The following MCM3AP variants were observed in gnomAD, a reference collection of about 807,000 sequenced individuals.
MCM3AP encodes minichromosome maintenance complex component 3 associated protein.
In MCM3AP, 126 loss-of-function variants were observed where a neutral mutation model predicts 184.1. The observed-to-expected ratio is 0.68, with a 90% confidence interval of 0.59 to 0.79. The LOEUF is 0.79. MCM3AP is among the 30% of genes least tolerant of loss of function. MCM3AP has a pLI of 0.00. For synonymous variants in MCM3AP, 1,002 were observed against 979.3 expected, an observed-to-expected ratio of 1.02 and a Z score of -0.43; for missense variants, 2,496 against 2,479.2, an observed-to-expected ratio of 1.01 and a Z score of -0.14.
rs925407443 is a variant in MCM3AP at position 46,277,817 on chromosome 21, C to A, written c.1668-100G>T. On this transcript the variant is annotated intron_variant, in intron 4 of 27. Transcript: ENST00000291688. The stretch of plus-strand genomic sequence containing the variant: ...CCCTCATCTTTCAAGATTTTCTGGT[C>A]CTCTAAAGCTGAGAAACTACAAGCA... 9 of 638,770 alleles carry A rather than the reference C, an allele frequency of 1.4e-5. No individual in the cohort carries two copies. In the South Asian group the frequency reaches 2.2e-4, roughly 15 times the overall value. The allele number at this position is 638,770 out of a possible 1,614,324, so 39.6% of individuals were successfully genotyped here.
intron 6 of MCM3AP, among the ~76,000 whole-genome samples, chr21:46,274,561 A>G (rs1050903624): frequency 6.6e-6 from 1 of 152,228 alleles, no homozygotes. Context: ...AGTGGAAAAG[A>G]TACACATAAA....
Position 46,245,024 on chromosome 21 carries a change from G to T in MCM3AP, c.4821C>A (p.Ala1607=), listed in dbSNP as rs750653914. ...LGGLASQEPG[A]IIELFNSVLQ... ...GCACACTGTTAAACAGCTCAATGATGGCGCCAGGCTCCTGAGAAGCAAGAC... is the reference window on the plus strand; with the variant it reads ...GCACACTGTTAAACAGCTCAATGATTGCGCCAGGCTCCTGAGAAGCAAGAC... Residue 1607 remains alanine, a synonymous_variant, in exon 23 of 28, where the codon GCC becomes GCA. Transcript: ENST00000291688. The T allele has an allele frequency of 1.2e-6, 2 of 1,614,184 alleles. No homozygotes were observed. The highest frequency in any genetic ancestry group is 2.2e-5 in the South Asian group (2 of 91,082).
Position 46,235,369 on chromosome 21 carries a change from C to G in MCM3AP, c.5842G>C (p.Glu1948Gln). ...AGCCTTTCCAGGTGCTTTAGTCGTTCGCCTAGACACGTTCCTGTCGCCTCT... is the reference window on the plus strand; with the variant it reads ...AGCCTTTCCAGGTGCTTTAGTCGTTGGCCTAGACACGTTCCTGTCGCCTCT... Reference protein sequence around the residue: ...LSEATGTCLGERLKHLERLIR... With the variant: ...LSEATGTCLGQRLKHLERLIR... Residue 1948 changes from glutamate (E) to glutamine (Q), a missense_variant, in exon 28 of 28, where the codon GAA becomes CAA. By Grantham distance (29) the Glu-to-Gln change is conservative. Transcript: ENST00000291688. The G allele has an allele frequency of 6.2e-7, 1 of 1,614,168 alleles. No homozygotes were observed. Among genetic ancestry groups the G allele is most frequent in the Non-Finnish European group, 8.5e-7 (1 of 1,180,022 alleles).
At chr21:46,259,244 A>G in intron 15 of MCM3AP, 153 bp from the exon 16 acceptor site, 1 of 636,128 alleles carries the variant, frequency 1.6e-6, no homozygotes, top group Non-Finnish European at 2.7e-6. Context: ...TCATGAGGTC[A>G]AGAGATCCAG....
At chr21:46,254,939 A>C (rs1043305092) in intron 17 of MCM3AP, 95 bp from the exon 18 acceptor site, 9 of 859,092 alleles carry the variant, frequency 1.0e-5, no homozygotes, top group African/African-American at 1.6e-5. Flanking sequence ...ACTGAAAAAC[A>C]CATTTTCTGC....
rs763049470 is a variant in MCM3AP, at chr21:46,235,274, G to C, written c.5937C>G (p.Asp1979Glu). 6.2e-7 allele frequency: 1 copy of C among 1,614,166 alleles called. No homozygotes were observed. Among genetic ancestry groups the C allele is most frequent in the Non-Finnish European group, 8.5e-7 (1 of 1,180,018 alleles). ...TCCCCACAGGTCAGGCTGCTCAAAT[G>C]TCCACCATGTCTAGCAGCGCAGAGA... ...LHLSALLDMVDI is the reference protein window; with the variant it reads ...LHLSALLDMVEI The change falls in exon 28 of 28, where the codon GAC becomes GAG. Residue 1979 changes from aspartate (D) to glutamate (E), a missense_variant. Physicochemically the swap from Asp to Glu is conservative, Grantham distance 45. Coordinates refer to ENST00000291688, the MANE Select transcript of MCM3AP (RefSeq NM_003906.5).
chr21:46,273,621 G>T, intron 6 of MCM3AP, 36 bp from the exon 7 acceptor site: 1 of 1,578,036 alleles, frequency 6.3e-7, no homozygotes, highest in Non-Finnish European at 8.7e-7. Context: ...TGCCCATGTG[G>T]CATACCTTGG....
At chr21:46,243,841 A>G in intron 23 of MCM3AP, 119 bp from the exon 24 acceptor site, 1 of 1,001,550 alleles carries the variant, frequency 1.0e-6, no homozygotes, top group Non-Finnish European at 1.4e-6. Context: ...TTCTAAACAC[A>G]GCAGAACCAC....
At position 46,266,052 on chromosome 21, in the gene MCM3AP, TC is replaced by T; in HGVS notation, c.2903del (p.Gly968GlufsTer53). The T allele has an allele frequency of 6.2e-7, 1 of 1,612,260 alleles. No homozygotes were observed. Among genetic ancestry groups the T allele is most frequent in the Non-Finnish European group, 8.5e-7 (1 of 1,179,258 alleles). On this transcript the variant is annotated frameshift_variant, in exon 11 of 28. Transcript: ENST00000291688. LOFTEE classifies it high-confidence loss of function. ...LTVSVGEIVN[G>X]GPLPPVPRHT... ...GACGAGGGACGGGGGGCAATGGCCC[TC>T]CGTTCACAATTTCCCCGACTGACAC... is the stretch of plus-strand genomic sequence containing the variant.
chr21:46,265,837 C>A (rs529672348), intron 11 of MCM3AP, 88 bp downstream of exon 11: 4 of 1,464,516 alleles, frequency 2.7e-6, no homozygotes, highest in African/African-American at 2.8e-5. Context: ...GGCGTCCTGG[C>A]GAGAAAATGC....
Position 46,236,909 on chromosome 21 carries a change from GGGGAA to G in MCM3AP, c.5699_5703del (p.Leu1900ProfsTer15). ...GACACTAGAGTCTGAGGAAGATAGAGGGGAAGGGAAGTTAAATCCGTAAATGCTCC... is the reference window on the plus strand; with the variant it reads ...GACACTAGAGTCTGAGGAAGATAGAGGGGAAGTTAAATCCGTAAATGCTCC... On this transcript the variant is annotated frameshift_variant, in exon 27 of 28. Coordinates refer to ENST00000291688, the MANE Select transcript of MCM3AP (RefSeq NM_003906.5). LOFTEE classifies it high-confidence loss of function. 1 of 1,575,930 alleles carries G rather than the reference GGGGAA, an allele frequency of 6.3e-7. No individual in the cohort carries two copies. The highest frequency in any genetic ancestry group is 8.6e-7 in the Non-Finnish European group (1 of 1,166,424).
rs1368258700 is a variant in MCM3AP at position 46,280,206 on chromosome 21, T to A, written c.1523-69A>T. 2.7e-6 allele frequency: 4 copies of A among 1,479,682 alleles called. No homozygotes were observed. In the East Asian group the frequency reaches 9.0e-5, roughly 33 times the overall value. The allele number at this position is 1,479,682 out of a possible 1,614,324, so 91.7% of individuals were successfully genotyped here. On this transcript the variant is annotated intron_variant, in intron 3 of 27. Coordinates refer to ENST00000291688, the MANE Select transcript of MCM3AP (RefSeq NM_003906.5). ...CACCTGGAACTGGATTTTTTCACTC[T>A]GTTTCTAAGAAAGTAATATTATTTT...
rs756385407 is a variant in MCM3AP, at chr21:46,284,313, C to G, written c.974G>C (p.Arg325Pro). The G allele has an allele frequency of 1.7e-5, 28 of 1,614,084 alleles. No individual in the cohort carries two copies. Among genetic ancestry groups the G allele is most frequent in the Non-Finnish European group, 2.4e-5 (28 of 1,180,048 alleles). ...CCGGGGTCGATTCAGGCGGACAGGT[C>G]GTTTGTCTGGAGGATGATCGCCCCG... ...LSRGDHPPDKRPVRLNRPRGG... is the reference protein window; with the variant it reads ...LSRGDHPPDKPPVRLNRPRGG... The change falls in exon 1 of 28, where the codon CGA (arginine) becomes CCA (proline). Residue 325 changes from arginine (R) to proline (P), a missense_variant. Physicochemically the swap from Arg to Pro is moderately radical, Grantham distance 103. This residue lies in a region of MCM3AP where 800 missense variants were observed against 717.1 expected (regional missense o/e 1.12). Transcript: ENST00000291688.
At chr21:46,250,992 G>A (rs1268495380) in intron 20 of MCM3AP, 2 of 152,218 alleles carry the variant, frequency 1.3e-5, no homozygotes, top group African/African-American at 4.8e-5. Flanking sequence ...GAGGAAGGAG[G>A]AGCTACTATG....
rs773931663 is a variant in MCM3AP, at chr21:46,264,150, G to C, written c.3302C>G (p.Ser1101Cys). Residue 1101 changes from serine to cysteine, a missense_variant, in exon 13 of 28, where the codon TCT becomes TGT. By Grantham distance (112) the Ser-to-Cys change is moderately radical (BLOSUM62 -1). Coordinates refer to ENST00000291688, the MANE Select transcript of MCM3AP (RefSeq NM_003906.5). Reference sequence around the variant, plus strand: ...GGCAGCTGCGTAGGCAGCACCCGCAGAGCCAACTTCCTCACAGTCCCTCTG... The same window carrying C: ...GGCAGCTGCGTAGGCAGCACCCGCACAGCCAACTTCCTCACAGTCCCTCTG... ...ALQRDCEEVG[S>C]AGAAYAAAAL... 1 of 1,614,006 alleles carries C rather than the reference G, an allele frequency of 6.2e-7. No individual in the cohort carries two copies. The highest frequency in any genetic ancestry group is 8.5e-7 in the Non-Finnish European group (1 of 1,179,966).
chr21:46,238,143 T>G (rs1304160522), intron 26 of MCM3AP, among the ~76,000 whole-genome samples: 1 of 118,478 alleles, frequency 8.4e-6, no homozygotes, highest in Non-Finnish European at 1.8e-5. Flanking sequence ...TCCCTTTAAT[T>G]TATAAATCCA....
intron 9 of MCM3AP, among the ~76,000 whole-genome samples, chr21:46,269,323 C>T (rs2081151999): frequency 6.6e-6 from 1 of 152,022 alleles, no homozygotes. Flanking sequence ...CCCTATGTTG[C>T]CCAGGCTGGC....
intron 14 of MCM3AP, 31 bp from the exon 15 acceptor site, chr21:46,260,937 A>G (rs2081033366): frequency 1.4e-6 from 2 of 1,462,758 alleles, no homozygotes; most frequent in African/African-American, 1.4e-5. Flanking sequence ...ACACAAGGGT[A>G]ATGTTTAAGA....
At chr21:46,269,766 G>T (rs1354354323) in intron 9 of MCM3AP, among the ~76,000 whole-genome samples, 2 of 152,214 alleles carry the variant, frequency 1.3e-5, no homozygotes, top group African/African-American at 2.4e-5. Flanking sequence ...TCTGTGCGGT[G>T]GGCCGCGGTC....
Sources: gnomAD v4.1 joint callset for allele counts (sites outside exome capture counted in the v4.1 genomes callset) on GRCh38, gnomAD v4.1.1 for gene constraint, gnomAD v4.1.1 regional missense constraint, MANE v1.5 for transcripts, NCBI Gene and HGNC (gene_info 2026-07-23, HGNC 2026-07-21) for gene names.